WLS: variants seen among roughly 807,000 people sequenced by gnomAD.
The protein encoded by WLS is protein wntless homolog.
Under a neutral mutation model 62.8 loss-of-function variants are expected in WLS, and 23 were observed. The ratio of observed to expected loss-of-function variants is 0.37; its 90% confidence interval spans 0.26 to 0.52. WLS has a LOEUF of 0.52. Among genes scored for constraint, WLS ranks in the 20% least tolerant of loss-of-function variants. The pLI, the probability that WLS is intolerant of heterozygous loss-of-function variation, is 0.92. For synonymous variants in WLS, 246 were observed against 244.1 expected, an observed-to-expected ratio of 1.01 and a Z score of -0.07; for missense variants, 615 against 697.3, an observed-to-expected ratio of 0.88 and a Z score of 1.33.
chr1:68,159,099 A>G (rs2100497095), intron 3 of WLS, 24 bp downstream of exon 3: 1 of 1,610,846 alleles, frequency 6.2e-7, no homozygotes, highest in East Asian at 2.2e-5. Flanking sequence ...AAAAACTGTC[A>G]GCTTAGACAG....
chr1:68,134,240 A>C (rs867402951), intron 11 of WLS, among the ~76,000 whole-genome samples: 5 of 152,204 alleles, frequency 3.3e-5, no homozygotes, highest in Non-Finnish European at 5.9e-5. Context: ...CCTAGGATAC[A>C]TCGTGTGATC....
chr1:68,129,542 C>T (rs1286793969), intron 11 of WLS, among the ~76,000 whole-genome samples: 1 of 152,196 alleles, frequency 6.6e-6, no homozygotes, highest in Admixed American at 6.5e-5. Flanking sequence ...AATTTCTCTA[C>T]TGTGCTGGAT....
chr1:68,160,204 T>G (rs1469562190), intron 2 of WLS, among the ~76,000 whole-genome samples: 1 of 151,948 alleles, frequency 6.6e-6, no homozygotes, highest in Non-Finnish European at 1.5e-5. Flanking sequence ...TTTTGTTAGG[T>G]TATTGGCAAA....
At chr1:68,178,347 TG>T (rs907790995) in intron 2 of WLS, among the ~76,000 whole-genome samples, 1 of 152,258 alleles carries the variant, frequency 6.6e-6, no homozygotes, top group Admixed American at 6.5e-5. Flanking sequence ...GAATATTTAC[TG>T]TGCCTGGAAT....
chr1:68,149,839 G>T (rs893490851), intron 6 of WLS, among the ~76,000 whole-genome samples: 1 of 152,146 alleles, frequency 6.6e-6, no homozygotes, highest in Non-Finnish European at 1.5e-5. Flanking sequence ...AAGCTCAAGG[G>T]CAAGAAATAA....
At chr1:68,175,748 A>T (rs987713512) in intron 2 of WLS, among the ~76,000 whole-genome samples, 1 of 152,214 alleles carries the variant, frequency 6.6e-6, no homozygotes, top group African/African-American at 2.4e-5. Context: ...AACAATTAAC[A>T]AATACAAAAA....
At chr1:68,148,097 G>T (rs767723226) in intron 8 of WLS, 39 bp downstream of exon 8, 1 of 1,609,808 alleles carries the variant, frequency 6.2e-7, no homozygotes, top group Middle Eastern at 1.7e-4. Flanking sequence ...GGGTGGCCAG[G>T]GGAAGAAATA....
chr1:68,157,543 A>G (rs1646916266), intron 3 of WLS, among the ~76,000 whole-genome samples: 1 of 150,056 alleles, frequency 6.7e-6, no homozygotes, highest in Admixed American at 6.6e-5. Flanking sequence ...GCATGAGACT[A>G]GCTCATTAGG....
At chr1:68,195,850 T>C (rs944622299) in intron 1 of WLS, among the ~76,000 whole-genome samples, 1 of 152,040 alleles carries the variant, frequency 6.6e-6, no homozygotes, top group Non-Finnish European at 1.5e-5. Flanking sequence ...CATCTGAAAA[T>C]TGCTATAAGA....
At chr1:68,159,862 T>G (rs1487962721) in intron 2 of WLS, among the ~76,000 whole-genome samples, 2 of 152,124 alleles carry the variant, frequency 1.3e-5, no homozygotes, top group African/African-American at 4.8e-5. Context: ...AGGCAAAGTG[T>G]TTTTCCAAAA....
In WLS at chr1:68,144,555, C is replaced by T; in HGVS notation, c.1362+14G>A. The T allele has an allele frequency of 1.9e-6, 3 of 1,611,942 alleles. No individual in the cohort carries two copies. The highest frequency in any genetic ancestry group is 2.5e-6 in the Non-Finnish European group (3 of 1,178,426). On this transcript the variant is annotated intron_variant, in intron 10 of 11. Coordinates refer to ENST00000262348, the MANE Select transcript of WLS (RefSeq NM_024911.7). ...CAGAGACATTCTCACCTTGACATCT[C>T]AGGGTCCACTTACCTGACTAACGAT... is the stretch of plus-strand genomic sequence containing the variant.
chr1:68,186,514 A>G (rs1647949034), intron 2 of WLS: 1 of 394,192 alleles, frequency 2.5e-6, no homozygotes. Context: ...AAAAAAAAAA[A>G]TGGATTGGTC....
chr1:68,189,928 G>A (rs551688194), intron 2 of WLS, among the ~76,000 whole-genome samples: 1 of 152,252 alleles, frequency 6.6e-6, no homozygotes, highest in South Asian at 2.1e-4. Context: ...AGAATCTCTT[G>A]AACCCAGGAG....
At chr1:68,116,831 T>G (rs1570814946) in intron 11 of WLS, among the ~76,000 whole-genome samples, 2 of 152,164 alleles carry the variant, frequency 1.3e-5, no homozygotes, top group Admixed American at 1.3e-4. Context: ...ATTGTTTATC[T>G]TGGCCAGCAG....
At chr1:68,196,719 A>G (rs1007729711) in intron 1 of WLS, among the ~76,000 whole-genome samples, 1 of 152,182 alleles carries the variant, frequency 6.6e-6, no homozygotes, top group South Asian at 2.1e-4. Context: ...TCCTTCATGT[A>G]GAAGGCTGAA....
chr1:68,179,206 A>C (rs1259780689), intron 2 of WLS, among the ~76,000 whole-genome samples: 5 of 152,240 alleles, frequency 3.3e-5, no homozygotes, highest in African/African-American at 1.2e-4. Flanking sequence ...CTCTGAAGTC[A>C]TCTATTTACA....
At chr1:68,194,850 A>G (rs1359820504) in intron 1 of WLS, among the ~76,000 whole-genome samples, 47 of 152,262 alleles carry the variant, frequency 3.1e-4, no homozygotes, top group Non-Finnish European at 2.1e-4. Context: ...TCAAAAGTGT[A>G]CTAAAATATA....
rs1646188305 is a variant in WLS at position 68,109,271 on chromosome 1, AAAAC to A, written c.1511-10522_1511-10519del. 2.6e-5 allele frequency among the ~76,000 whole-genome samples: 4 copies of A among 152,378 alleles called. No individual in the cohort carries two copies. The South Asian group carries it at 8.3e-4, about 32-fold the overall frequency. ...GTGGGTAACCCTCTGGCTCTCAACA[AAAAC>A]AAATCTCTCTGGAGAAAAGCTTCCT... On this transcript the variant is annotated intron_variant, in intron 11 of 11. Coordinates refer to the WLS transcript ENST00000354777.
At chr1:68,130,889 C>CTTTTTTTT (rs56038722) in intron 11 of WLS, among the ~76,000 whole-genome samples, 4 of 100,836 alleles carry the variant, frequency 4.0e-5, no homozygotes, top group Non-Finnish European at 7.6e-5. Flanking sequence ...GTTTCTTCTT[C>CTTTTTTTT]TTTTTTTTTT....
Sources: allele counts gnomAD v4.1 joint callset (sites outside exome capture counted in the v4.1 genomes callset), GRCh38; gene constraint gnomAD v4.1.1; transcripts MANE v1.5; gene names NCBI Gene and HGNC (gene_info 2026-07-23, HGNC 2026-07-21).